The following TANC2 variants were observed in gnomAD, a reference collection of about 807,000 sequenced individuals.
TANC2 encodes tetratricopeptide repeat, ankyrin repeat and coiled-coil containing 2.
TANC2 carries 26 observed loss-of-function variants against 210.5 expected under a neutral mutation model. The observed-to-expected ratio is 0.12, with a 90% confidence interval of 0.09 to 0.17. The LOEUF is 0.17. Ranked by LOEUF, TANC2 falls within the 10% of genes least tolerant of loss-of-function variation. TANC2 has a pLI of 1.00. For missense variants in TANC2, 2,129 were observed against 2,608.9 expected, an observed-to-expected ratio of 0.82 and a Z score of 4.01; for synonymous variants, 931 against 967.1, an observed-to-expected ratio of 0.96 and a Z score of 0.69.
chr17:63,168,388 A>G (rs1477974693), intron 5 of TANC2, among the ~76,000 whole-genome samples: 2 of 152,162 alleles, frequency 1.3e-5, no homozygotes, highest in Non-Finnish European at 2.9e-5. Flanking sequence ...CGTGCCATTG[A>G]TAGCTTAATA....
chr17:63,012,785 A>G (rs2143869633), intron 2 of TANC2, among the ~76,000 whole-genome samples: 1 of 152,190 alleles, frequency 6.6e-6, no homozygotes, highest in African/African-American at 2.4e-5. Flanking sequence ...TGGAGTAGCT[A>G]GGACTACAGG....
In TANC2 at chr17:63,343,787, T is replaced by G. The variant is rs1325109568; in HGVS notation, c.1807+3455T>G. On this transcript the variant is annotated intron_variant, in intron 12 of 27. Transcript: ENST00000689528. ...GGTGCACAGCTGTAGTCCCAGCTAC[T>G]CAGGAGGCTGAGGCAGGAGGATCAC... is the stretch of plus-strand genomic sequence containing the variant. 2.0e-5 allele frequency among the ~76,000 whole-genome samples: 3 copies of G among 152,070 alleles called. No homozygotes were observed. In the East Asian group the frequency reaches 5.8e-4, roughly 29 times the overall value.
intron 9 of TANC2, among the ~76,000 whole-genome samples, chr17:63,288,007 G>C (rs1044391753): frequency 3.3e-5 from 5 of 152,098 alleles, no homozygotes; most frequent in Non-Finnish European, 1.5e-5. Context: ...CATTCTGGCT[G>C]GTAGGAACAG....
intron 2 of TANC2, among the ~76,000 whole-genome samples, chr17:63,031,451 C>T (rs1189973717): frequency 2.0e-5 from 3 of 152,110 alleles, no homozygotes; most frequent in Admixed American, 6.6e-5. Flanking sequence ...ATTTACATCA[C>T]ACTTCATGAT....
At chr17:62,995,533 T>C (rs2033065807) in intron 1 of TANC2, among the ~76,000 whole-genome samples, 3 of 152,182 alleles carry the variant, frequency 2.0e-5, no homozygotes, top group Admixed American at 2.0e-4. Flanking sequence ...CCTGGCAGTT[T>C]AGGTGCTGTA....
chr17:63,177,662 C>T (rs550189232), intron 5 of TANC2, among the ~76,000 whole-genome samples: 2 of 152,244 alleles, frequency 1.3e-5, no homozygotes, highest in South Asian at 2.1e-4. Flanking sequence ...GGCTCTGATT[C>T]GTGCTGTAGG....
exon 4 of TANC2, chr17:63,099,282 C>T (rs2144902193): frequency 6.3e-7 from 1 of 1,589,414 alleles, no homozygotes; most frequent in Non-Finnish European, 8.6e-7. Context: ...GGGCATGTCT[C>T]GCTCTCTTCC....
intron 5 of TANC2, among the ~76,000 whole-genome samples, chr17:63,172,607 A>G (rs1397617732): frequency 1.3e-5 from 2 of 152,218 alleles, no homozygotes; most frequent in Admixed American, 6.5e-5. Context: ...AATTTAATAC[A>G]TCATCTCCTT....
chr17:63,051,420 A>G (rs903329530), intron 2 of TANC2, among the ~76,000 whole-genome samples: 4 of 152,160 alleles, frequency 2.6e-5, no homozygotes. Context: ...AGGCTGTTCT[A>G]GCTTTTAGAG....
intron 9 of TANC2, among the ~76,000 whole-genome samples, chr17:63,296,646 A>G (rs560424248): frequency 1.2e-4 from 19 of 152,356 alleles, no homozygotes; most frequent in African/African-American, 4.3e-4. Flanking sequence ...AGGGTCAAAG[A>G]GCTAAAGGAA....
At chr17:62,995,327 G>T (rs1240764128) in intron 1 of TANC2, among the ~76,000 whole-genome samples, 4 of 152,184 alleles carry the variant, frequency 2.6e-5, no homozygotes, top group African/African-American at 7.2e-5. Context: ...ATAATGTAAG[G>T]ATCCAGAATC....
chr17:63,220,803 C>T (rs946305418), intron 7 of TANC2, among the ~76,000 whole-genome samples: 11 of 142,438 alleles, frequency 7.7e-5, no homozygotes, highest in South Asian at 2.2e-4. Context: ...TGTATATATA[C>T]GTGTATATGT....
intron 3 of TANC2, among the ~76,000 whole-genome samples, chr17:63,078,798 A>G (rs1041004628): frequency 3.9e-4 from 59 of 152,158 alleles, no homozygotes; most frequent in African/African-American, 1.4e-3. Context: ...GACTTGTTTT[A>G]TGGCCCAGGA....
intron 11 of TANC2, among the ~76,000 whole-genome samples, chr17:63,334,755 C>A (rs1014816378): frequency 3.3e-5 from 5 of 152,130 alleles, no homozygotes; most frequent in African/African-American, 1.2e-4. Context: ...GCAACATTAC[C>A]AGTTGTGTTA....
At chr17:63,270,746 A>G (rs545178274) in intron 9 of TANC2, among the ~76,000 whole-genome samples, 1 of 152,212 alleles carries the variant, frequency 6.6e-6, no homozygotes, top group Admixed American at 6.6e-5. Context: ...GGTTTCTTGT[A>G]CAGATTATTT....
At chr17:63,199,241 C>T (rs1209400996) in intron 6 of TANC2, among the ~76,000 whole-genome samples, 1 of 152,096 alleles carries the variant, frequency 6.6e-6, no homozygotes, top group Non-Finnish European at 1.5e-5. Context: ...TGAAAGGCTT[C>T]TTTTAAATTT....
rs895958686 is a variant in TANC2, at chr17:63,398,515, CT to C, written c.3238-300del. Among the ~76,000 whole-genome samples the C allele has an allele frequency of 3.0e-4, 46 of 151,260 alleles. 1 individual carries two copies. The highest frequency in any genetic ancestry group is 1.1e-3 in the African/African-American group (46 of 41,266). On this transcript the variant is annotated intron_variant, in intron 18 of 27. Coordinates refer to ENST00000689528, the Ensembl canonical transcript of TANC2. ...GTTTTCTCGTATTTATTTTCTATGG[CT>C]TTTTTATAGGGAGGAGGAAGGATTG... is the stretch of plus-strand genomic sequence containing the variant.
At chr17:63,080,005 G>A (rs1168564863) in intron 3 of TANC2, among the ~76,000 whole-genome samples, 17 of 152,044 alleles carry the variant, frequency 1.1e-4, no homozygotes, top group Admixed American at 1.1e-3. Context: ...CAGGTTAGGT[G>A]GTTATTTTCT....
chr17:63,235,842 A>G (rs527872172), intron 7 of TANC2, among the ~76,000 whole-genome samples: 1 of 152,170 alleles, frequency 6.6e-6, no homozygotes, highest in Admixed American at 6.5e-5. Flanking sequence ...TTATTGCTAA[A>G]AAATTATAAT....
Sources: gnomAD v4.1 joint callset for allele counts (sites outside exome capture counted in the v4.1 genomes callset) on GRCh38, gnomAD v4.1.1 for gene constraint, MANE v1.5 for transcripts, NCBI Gene and HGNC (gene_info 2026-07-23, HGNC 2026-07-21) for gene names.